AGBL3: variants seen among roughly 807,000 people sequenced by gnomAD.
The protein encoded by AGBL3 is cytosolic carboxypeptidase 3.
AGBL3 carries 68 observed loss-of-function variants against 94.5 expected under a neutral mutation model. The observed-to-expected ratio is 0.72, with a 90% CI of 0.59 to 0.88. The LOEUF (loss-of-function observed/expected upper bound fraction) is 0.88. Among genes scored for constraint, AGBL3 ranks in the 40% least tolerant of loss-of-function variants. AGBL3 has a pLI of 0.00. For missense variants in AGBL3, 934 were observed against 1,103.8 expected (o/e 0.85, Z 2.18); for synonymous variants, 354 against 370.7 (o/e 0.95, Z 0.52).
intron 15 of AGBL3, among the ~76,000 whole-genome samples, chr7:135,106,546 C>T (rs1311502907): frequency 6.6e-6 from 1 of 152,194 alleles, no homozygotes; most frequent in Non-Finnish European, 1.5e-5. Context: ...ACCAAACTTG[C>T]ATCCCAGGAA....
At chr7:135,017,279 A>G (rs1216831875) in intron 5 of AGBL3, 120 bp downstream of exon 5, 2 of 739,028 alleles carry the variant, frequency 2.7e-6, no homozygotes, top group Non-Finnish European at 4.6e-6. Context: ...CTAAACATAA[A>G]GATGTTTGTT....
chr7:135,108,995 G>T (rs1825197794), intron 15 of AGBL3, among the ~76,000 whole-genome samples: 1 of 152,178 alleles, frequency 6.6e-6, no homozygotes, highest in African/African-American at 2.4e-5. Context: ...ACTTAGGGTT[G>T]TGTTGTGAAA....
intron 5 of AGBL3, among the ~76,000 whole-genome samples, chr7:135,023,146 G>T (rs1415320011): frequency 6.6e-6 from 1 of 152,038 alleles, no homozygotes; most frequent in African/African-American, 2.4e-5. Context: ...TTTGTGTTAT[G>T]GTTTTCAAAT....
In AGBL3 at chr7:135,032,855, C is replaced by T; in HGVS notation, c.430C>T (p.Pro144Ser). Residue 144 changes from proline (P) to serine (S), a missense_variant, in exon 6 of 17, where the codon CCC (proline) becomes TCC (serine). By Grantham distance (74) the Pro-to-Ser change is moderately conservative. Around this residue, in one of 3 missense-constraint regions of AGBL3, gnomAD observed 488 missense variants for 563.6 expected, o/e 0.87. Transcript: ENST00000436302. ...TCTTCTCTCATCAGCTTACAAAGAG[C>T]CCTGTTTTGTGTATTCCCGAGTTGG... ...VYLAEDAYKE[P>S]CFVYSRVGGN... is the part of the protein sequence containing the mutation. 1 of 1,547,902 alleles carries T rather than the reference C, an allele frequency of 6.5e-7. No homozygotes were observed. Among genetic ancestry groups the T allele is most frequent in the Non-Finnish European group, 8.7e-7 (1 of 1,145,552 alleles).
intron 11 of AGBL3, among the ~76,000 whole-genome samples, chr7:135,056,427 T>C (rs1335301377): frequency 6.6e-6 from 1 of 152,076 alleles, no homozygotes. Context: ...CTACAAATAT[T>C]GATAAGTTGT....
intron 4 of AGBL3, chr7:135,010,734 ATAAAAT>A (rs1420250083): frequency 6.6e-6 from 1 of 152,230 alleles, no homozygotes; most frequent in Non-Finnish European, 1.5e-5. Flanking sequence ...ACTGTTTCAA[ATAAAAT>A]TAAAAACCAC....
intron 15 of AGBL3, chr7:135,094,696 A>G (rs150905362): frequency 1.1e-4 from 38 of 358,096 alleles, no homozygotes; most frequent in African/African-American, 7.5e-4. Flanking sequence ...AATAGGTTAG[A>G]GACAAATGAA....
At chr7:135,103,324 T>C (rs1262259758) in intron 15 of AGBL3, among the ~76,000 whole-genome samples, 1 of 152,212 alleles carries the variant, frequency 6.6e-6, no homozygotes, top group Non-Finnish European at 1.5e-5. Flanking sequence ...TTCCTTATAC[T>C]AGTCTCTCTA....
chr7:135,034,889 C>A lies in AGBL3; in HGVS notation c.1298C>A (p.Ser433Tyr), dbSNP rs1816148908. 6.5e-6 allele frequency: 10 copies of A among 1,545,526 alleles called. No individual in the cohort carries two copies. The highest frequency in any genetic ancestry group is 8.7e-6 in the Non-Finnish European group (10 of 1,144,360). Residue 433 changes from serine to tyrosine, a missense_variant, in exon 7 of 17, where the codon TCT becomes TAT. By Grantham distance (144) the Ser-to-Tyr change is moderately radical. Transcript: ENST00000436302. ...AATTATACATCTCTCCTGAAGGAAT[C>A]TTTTCCTTCTGTATGGTATACCCGG... ...NRNYTSLLKESFPSVWYTRNM... is the reference protein window; with the variant it reads ...NRNYTSLLKEYFPSVWYTRNM...
chr7:135,007,474 A>C (rs1478073313), intron 4 of AGBL3, among the ~76,000 whole-genome samples: 2 of 151,972 alleles, frequency 1.3e-5, no homozygotes, highest in Non-Finnish European at 2.9e-5. Context: ...TTTTTAAGAA[A>C]TCCTACACCC....
At chr7:135,007,286 T>G (rs904572475) in intron 4 of AGBL3, among the ~76,000 whole-genome samples, 1 of 151,948 alleles carries the variant, frequency 6.6e-6, no homozygotes, top group African/African-American at 2.4e-5. Flanking sequence ...GTAAAATTCA[T>G]CAGCAAAATA....
At chr7:135,044,234 A>G (rs1817138584) in intron 9 of AGBL3, 83 bp downstream of exon 9, 1 of 1,278,186 alleles carries the variant, frequency 7.8e-7, no homozygotes, top group Non-Finnish European at 1.0e-6. Flanking sequence ...CAGTACAGAC[A>G]ATAGTACTTT....
intron 4 of AGBL3, among the ~76,000 whole-genome samples, chr7:135,003,651 G>C (rs1269441452): frequency 1.3e-5 from 2 of 148,814 alleles, no homozygotes; most frequent in Non-Finnish European, 3.0e-5. Context: ...CTTTATTATA[G>C]TTTTAATTTT....
At chr7:135,089,723 T>A (rs1821614100) in intron 15 of AGBL3, among the ~76,000 whole-genome samples, 1 of 152,096 alleles carries the variant, frequency 6.6e-6, no homozygotes, top group East Asian at 1.9e-4. Context: ...GCTTTTGAGG[T>A]CTTCCTATTT....
At chr7:135,112,291 A>C (rs989031964) in intron 15 of AGBL3, among the ~76,000 whole-genome samples, 1 of 152,140 alleles carries the variant, frequency 6.6e-6, no homozygotes, top group Non-Finnish European at 1.5e-5. Context: ...AAAAATGCAA[A>C]CCTGATTTTC....
At chr7:135,107,087 G>C (rs926105786) in intron 15 of AGBL3, among the ~76,000 whole-genome samples, 1 of 151,778 alleles carries the variant, frequency 6.6e-6, no homozygotes, top group Non-Finnish European at 1.5e-5. Context: ...GTGATTCTTT[G>C]GATCTTCTCT....
At chr7:134,991,959 T>C (rs1397844523) in intron 3 of AGBL3, among the ~76,000 whole-genome samples, 1 of 152,230 alleles carries the variant, frequency 6.6e-6, no homozygotes, top group African/African-American at 2.4e-5. Flanking sequence ...CTTCTCTAAG[T>C]ATTAACTCTA....
chr7:135,040,542 T>C (rs983218580), intron 8 of AGBL3, among the ~76,000 whole-genome samples: 7 of 150,884 alleles, frequency 4.6e-5, no homozygotes, highest in Non-Finnish European at 7.4e-5. Context: ...TCAATTGATA[T>C]AGAAAAAGTT....
chr7:135,083,959 A>C (rs1400655467), intron 15 of AGBL3, among the ~76,000 whole-genome samples: 4 of 151,932 alleles, frequency 2.6e-5, no homozygotes, highest in Admixed American at 1.3e-4. Context: ...ACACTTTGCA[A>C]GTTACCACTA....
Sources: gnomAD v4.1 joint callset for allele counts (sites outside exome capture counted in the v4.1 genomes callset) on GRCh38, gnomAD v4.1.1 for gene constraint, gnomAD v4.1.1 regional missense constraint, MANE v1.5 for transcripts, NCBI Gene and HGNC (gene_info 2026-07-23, HGNC 2026-07-21) for gene names.